CEBPZOS: variants seen among roughly 807,000 people sequenced by gnomAD.
CEBPZOS encodes the protein protein CEBPZOS.
Under a neutral mutation model 4.8 loss-of-function variants are expected in CEBPZOS, and 10 were observed. The ratio of observed to expected loss-of-function variants is 2.07; its 90% confidence interval spans 1.28 to 3.52. CEBPZOS has a LOEUF of 3.52. Among genes scored for constraint, CEBPZOS ranks in the 30% most tolerant of loss-of-function variants. The probability of loss-of-function intolerance (pLI) is 0.00; values close to 1 mark genes in which losing one functional copy is unlikely to be tolerated. For missense variants in CEBPZOS, 98 were observed against 43.6 expected (o/e 2.25, Z -3.51); for synonymous variants, 25 against 14.2 (o/e 1.77, Z -1.72).
Position 37,196,582 on chromosome 2 carries a change from G to C in CEBPZOS, c.-2+62G>C, listed in dbSNP as rs576960936. 2.3e-3 allele frequency: 344 copies of C among 152,624 alleles called. 2 individuals carry two copies. The highest frequency in any genetic ancestry group is 7.9e-3 in the African/African-American group (329 of 41,590). 9.5% of individuals were successfully genotyped at this position (152,624 alleles called of 1,614,324 possible). On this transcript the variant is annotated intron_variant, in intron 1 of 4. Transcript: ENST00000402297. ...GATTTCGGGGTCCCTAGTGCGACGA[G>C]AGTGGGGCGGTCTTCTGCGTGGGGC...
At chr2:37,207,391 C>T (rs1484212564), downstream of CEBPZOS, among the ~76,000 whole-genome samples, 1 of 152,124 alleles carries the variant, frequency 6.6e-6, no homozygotes, top group African/African-American at 2.4e-5. Context: ...AAGGATAGAC[C>T]ATATGGTAGG....
At chr2:37,216,020 TG>T, downstream of CEBPZOS, 1 of 685,380 alleles carries the variant, frequency 1.5e-6, no homozygotes, top group East Asian at 3.0e-5. Context: ...GGAAAAAAGA[TG>T]GATAATGTCT....
chr2:37,206,369 T>C (rs1372704482), downstream of CEBPZOS, among the ~76,000 whole-genome samples: 3 of 152,214 alleles, frequency 2.0e-5, no homozygotes, highest in African/African-American at 4.8e-5. Flanking sequence ...TTTTTGTTTC[T>C]TTTTTTGAGA....
chr2:37,204,863 T>C (rs549508361), downstream of CEBPZOS: 11 of 152,206 alleles, frequency 7.2e-5, no homozygotes, highest in Admixed American at 1.3e-4. Flanking sequence ...TACTTTACTA[T>C]TTGAAACAAG....
intron 1 of CEBPZOS, chr2:37,198,601 T>G (rs1325655207): frequency 1.3e-5 from 2 of 152,156 alleles, no homozygotes; most frequent in Non-Finnish European, 2.9e-5. Flanking sequence ...GAAAAACAAG[T>G]GGTTCTCCTC....
chr2:37,208,186 A>G (rs1174738326), downstream of CEBPZOS, among the ~76,000 whole-genome samples: 1 of 152,214 alleles, frequency 6.6e-6, no homozygotes, highest in East Asian at 1.9e-4. Flanking sequence ...AAAGTCCAGG[A>G]CCAGATGGAT....
At chr2:37,211,659 A>G in intron 4 of CEBPZOS, 1 of 523,662 alleles carries the variant, frequency 1.9e-6, no homozygotes, top group African/African-American at 1.9e-5. Flanking sequence ...AAGAAAACAC[A>G]CATAACACAC....
At chr2:37,210,921 A>T in intron 4 of CEBPZOS, 3 of 832,092 alleles carry the variant, frequency 3.6e-6, no homozygotes, top group Non-Finnish European at 5.4e-6. Context: ...CAAATTTAGG[A>T]GAGTTCATTT....
chr2:37,211,441 A>G (rs1558470451), intron 4 of CEBPZOS: 1 of 233,486 alleles, frequency 4.3e-6, no homozygotes, highest in Non-Finnish European at 8.2e-6. Flanking sequence ...AGGTCAGACA[A>G]CAGTCTAGAG....
chr2:37,200,247 G>C (rs1463386795), intron 2 of CEBPZOS, among the ~76,000 whole-genome samples: 2 of 152,184 alleles, frequency 1.3e-5, no homozygotes, highest in African/African-American at 4.8e-5. Flanking sequence ...TGGGCACTAA[G>C]ACTTTCACAT....
rs749138965 is a variant in CEBPZOS at position 37,201,925 on chromosome 2, T to G, written c.*65T>G. 3.7e-6 allele frequency: 6 copies of G among 1,610,124 alleles called. No individual in the cohort carries two copies. Among genetic ancestry groups the G allele is most frequent in the Admixed American group, 3.4e-5 (2 of 59,202 alleles). ...AGACCTTTGAGAGAAGAAGAAAAGA[T>G]GAGTGTACTACCACACTGTAGACTC... On this transcript the variant is annotated 3_prime_UTR_variant, in exon 5 of 5. Transcript: ENST00000402297.
chr2:37,214,172 A>G (rs952488261), downstream of CEBPZOS, among the ~76,000 whole-genome samples: 4 of 152,204 alleles, frequency 2.6e-5, no homozygotes, highest in Non-Finnish European at 5.9e-5. Flanking sequence ...AATACATTTC[A>G]AAGATAATAT....
chr2:37,196,949 G>A (rs1423722645), intron 1 of CEBPZOS, among the ~76,000 whole-genome samples: 1 of 152,210 alleles, frequency 6.6e-6, no homozygotes, highest in Non-Finnish European at 1.5e-5. Flanking sequence ...TTGAAACCGC[G>A]TAGCCTGCAG....
At chr2:37,214,076 C>A, downstream of CEBPZOS, 2 of 491,726 alleles carry the variant, frequency 4.1e-6, no homozygotes, top group South Asian at 3.7e-5. Context: ...TAAGTATACT[C>A]AATTGGAAAT....
At chr2:37,198,781 G>C (rs929668892) in intron 1 of CEBPZOS, 1 of 152,064 alleles carries the variant, frequency 6.6e-6, no homozygotes, top group African/African-American at 2.4e-5. Context: ...AGATCTAACC[G>C]GTCTGTAGTT....
intron 4 of CEBPZOS, chr2:37,211,357 CT>C: frequency 3.6e-6 from 1 of 280,294 alleles, no homozygotes. Flanking sequence ...CAAGAAACTT[CT>C]GCTGTGGTTC....
chr2:37,209,824 A>T (rs1363880774), intron 4 of CEBPZOS: 1 of 152,206 alleles, frequency 6.6e-6, no homozygotes, highest in Non-Finnish European at 1.5e-5. Flanking sequence ...CAAAATAAAT[A>T]ATCAGCAGAG....
At position 37,199,215 on chromosome 2, in the gene CEBPZOS, T is replaced by C. The variant is rs868812224; in HGVS notation, c.-1-489T>C. Among the ~76,000 whole-genome samples, 27 of 152,148 alleles carry C rather than the reference T, an allele frequency of 1.8e-4. 1 individual carries two copies. Among genetic ancestry groups the C allele is most frequent in the Admixed American group, 3.3e-4 (5 of 15,282 alleles). ...TAGGATATCTATACTATCTATAATA[T>C]ATAGTATATGTAATAGTGTATGTTG... On this transcript the variant is annotated intron_variant, in intron 1 of 4. Transcript: ENST00000402297.
At chr2:37,211,031 G>A in intron 4 of CEBPZOS, 1 of 1,611,356 alleles carries the variant, frequency 6.2e-7, no homozygotes, top group Non-Finnish European at 8.5e-7. Flanking sequence ...AAAATCATCT[G>A]TACCTTTTCT....
Sources: allele counts gnomAD v4.1 joint callset (sites outside exome capture counted in the v4.1 genomes callset), GRCh38; gene constraint gnomAD v4.1.1; transcripts MANE v1.5; gene names NCBI Gene and HGNC (gene_info 2026-07-23, HGNC 2026-07-21).